GRM8: variants seen among roughly 807,000 people sequenced by gnomAD.
GRM8 encodes the protein metabotropic glutamate receptor 8.
In GRM8, 47 loss-of-function variants were observed where a neutral mutation model predicts 87.2. The ratio of observed to expected loss-of-function variants is 0.54; its 90% CI spans 0.43 to 0.69. The LOEUF is 0.69. Ranked by LOEUF, GRM8 falls within the 30% of genes least tolerant of loss-of-function variation. GRM8 has a pLI of 0.00. For missense variants in GRM8, 1,019 were observed against 1,139.2 expected (o/e 0.89, Z 1.52); for synonymous variants, 396 against 404.5 (o/e 0.98, Z 0.25).
intron 6 of GRM8, among the ~76,000 whole-genome samples, chr7:126,782,597 A>G (rs1820202400): frequency 6.6e-6 from 1 of 152,236 alleles, no homozygotes; most frequent in African/African-American, 2.4e-5. Flanking sequence ...GGAAACTATC[A>G]GTGAAAACCA....
intron 6 of GRM8, among the ~76,000 whole-genome samples, chr7:126,793,584 C>G (rs1408747023): frequency 6.6e-6 from 1 of 152,160 alleles, no homozygotes; most frequent in Non-Finnish European, 1.5e-5. Context: ...ATTTACTAGA[C>G]TCAAAGTTAA....
intron 6 of GRM8, among the ~76,000 whole-genome samples, chr7:126,888,047 T>C (rs988714045): frequency 1.3e-5 from 2 of 152,094 alleles, no homozygotes; most frequent in South Asian, 4.1e-4. Context: ...TAAGTCAATA[T>C]GAATTATTTG....
intron 6 of GRM8, among the ~76,000 whole-genome samples, chr7:126,782,538 GAAT>G (rs1448005961): frequency 2.0e-5 from 3 of 152,232 alleles, no homozygotes; most frequent in Non-Finnish European, 2.9e-5. Flanking sequence ...GAAAATAAAT[GAAT>G]AACAAGAAAG....
chr7:126,690,166 C>T (rs1218335826), intron 7 of GRM8, among the ~76,000 whole-genome samples: 2 of 152,220 alleles, frequency 1.3e-5, no homozygotes, highest in African/African-American at 4.8e-5. Flanking sequence ...TGGCTGATGG[C>T]GCCTTTGCCT....
intron 7 of GRM8, among the ~76,000 whole-genome samples, chr7:126,633,908 C>T (rs1025946500): frequency 6.6e-6 from 1 of 151,794 alleles, no homozygotes; most frequent in Admixed American, 6.6e-5. Context: ...TAAGAGAGAA[C>T]ACTCTATTTC....
intron 3 of GRM8, among the ~76,000 whole-genome samples, chr7:127,081,597 C>G (rs999177888): frequency 6.6e-6 from 1 of 152,100 alleles, no homozygotes; most frequent in Non-Finnish European, 1.5e-5. Flanking sequence ...AACCCCCACA[C>G]CTAGTACTGT....
At chr7:126,773,769 G>C (rs1176300855) in intron 6 of GRM8, among the ~76,000 whole-genome samples, 1 of 152,096 alleles carries the variant, frequency 6.6e-6, no homozygotes, top group African/African-American at 2.4e-5. Context: ...GCTGAGGTGG[G>C]AGGATTGCTT....
Position 127,177,893 on chromosome 7 carries a change from T to C in GRM8, c.510+64802A>G, listed in dbSNP as rs189835412. 4.6e-5 allele frequency among the ~76,000 whole-genome samples: 7 copies of C among 151,966 alleles called. No individual in the cohort carries two copies. The East Asian group carries it at 1.4e-3, about 30-fold the overall frequency. On this transcript the variant is annotated intron_variant, in intron 2 of 10. Coordinates refer to ENST00000339582, the MANE Select transcript of GRM8 (RefSeq NM_000845.3). The stretch of plus-strand genomic sequence containing the variant: ...TTCCCTCTGACAGAGGCCACCCAAA[T>C]GAGAAGGAACCAGAAAACCAACCCT...
chr7:126,641,540 T>C (rs1181518770), intron 7 of GRM8, among the ~76,000 whole-genome samples: 1 of 152,212 alleles, frequency 6.6e-6, no homozygotes, highest in African/African-American at 2.4e-5. Context: ...GCTGAGCACA[T>C]GAGAAAGCTT....
intron 3 of GRM8, among the ~76,000 whole-genome samples, chr7:126,984,709 C>G (rs2131887792): frequency 6.6e-6 from 1 of 152,138 alleles, no homozygotes; most frequent in African/African-American, 2.4e-5. Flanking sequence ...TCTAGAGAAC[C>G]CTGCCTAATA....
chr7:126,860,125 TAAG>T (rs1411244877), intron 6 of GRM8, among the ~76,000 whole-genome samples: 8 of 152,292 alleles, frequency 5.3e-5, no homozygotes, highest in African/African-American at 1.9e-4. Context: ...AACTTACAAA[TAAG>T]AAGTTTATGA....
chr7:126,563,800 C>A (rs1174004303), intron 8 of GRM8, among the ~76,000 whole-genome samples: 1 of 152,186 alleles, frequency 6.6e-6, no homozygotes, highest in East Asian at 1.9e-4. Flanking sequence ...GGGGCTACCA[C>A]AACAGAGAAG....
chr7:126,800,509 G>A (rs555053359), intron 6 of GRM8, among the ~76,000 whole-genome samples: 14 of 152,250 alleles, frequency 9.2e-5, no homozygotes, highest in African/African-American at 3.1e-4. Flanking sequence ...TAGTGAGTTA[G>A]AGGTTGGTCT....
intron 2 of GRM8, among the ~76,000 whole-genome samples, chr7:127,213,459 A>G (rs1796342468): frequency 6.6e-6 from 1 of 152,208 alleles, no homozygotes; most frequent in African/African-American, 2.4e-5. Flanking sequence ...AAAAACATAC[A>G]TATTATACAC....
At chr7:126,477,464 A>G (rs1806058710) in intron 9 of GRM8, among the ~76,000 whole-genome samples, 2 of 152,032 alleles carry the variant, frequency 1.3e-5, no homozygotes, top group South Asian at 4.1e-4. Flanking sequence ...TCCACAGTGT[A>G]TACATGTATG....
intron 3 of GRM8, among the ~76,000 whole-genome samples, chr7:127,053,827 G>T (rs1182185251): frequency 2.7e-5 from 4 of 146,172 alleles, no homozygotes; most frequent in African/African-American, 1.0e-4. Flanking sequence ...TTTCATCTTG[G>T]TTATTATACA....
chr7:127,197,012 A>C (rs1795315534), intron 2 of GRM8, among the ~76,000 whole-genome samples: 1 of 152,292 alleles, frequency 6.6e-6, no homozygotes, highest in Admixed American at 6.5e-5. Flanking sequence ...CTGGGATTAC[A>C]GGGAGGCCAT....
intron 8 of GRM8, among the ~76,000 whole-genome samples, chr7:126,571,245 A>C (rs1442958505): frequency 6.6e-6 from 1 of 152,216 alleles, no homozygotes; most frequent in Non-Finnish European, 1.5e-5. Flanking sequence ...TTGATAGATA[A>C]AAATAAGTAG....
intron 7 of GRM8, among the ~76,000 whole-genome samples, chr7:126,768,537 G>A (rs563229240): frequency 1.3e-4 from 19 of 151,986 alleles, no homozygotes; most frequent in African/African-American, 4.6e-4. Context: ...GTTAGGTTTT[G>A]ATCATGGTTA....
Sources: allele counts gnomAD v4.1 joint callset (sites outside exome capture counted in the v4.1 genomes callset), GRCh38; gene constraint gnomAD v4.1.1; transcripts MANE v1.5; gene names NCBI Gene and HGNC (gene_info 2026-07-23, HGNC 2026-07-21).